The following HOMER3 variants were observed in gnomAD, a reference collection of about 807,000 sequenced individuals.
HOMER3 encodes homer protein homolog 3.
A neutral mutation model predicts 45.5 loss-of-function variants in HOMER3; 34 were observed. The ratio of observed to expected loss-of-function variants is 0.75; its 90% CI spans 0.57 to 1.00. The LOEUF (loss-of-function observed/expected upper bound fraction) is 1.00, where lower values mean the gene tolerates loss of function less well. HOMER3 is among the 50% of genes least tolerant of loss of function. The pLI is 0.00. For synonymous variants in HOMER3, 223 were observed against 208.8 expected (o/e 1.07, Z -0.58); for missense variants, 480 against 497.5 (o/e 0.96, Z 0.33).
intron 6 of HOMER3, among the ~76,000 whole-genome samples, chr19:18,932,473 G>T (rs2057047157): frequency 6.6e-6 from 1 of 152,084 alleles, no homozygotes; most frequent in Admixed American, 6.6e-5. Flanking sequence ...GCCACGCAGG[G>T]CTGGGGATGT....
In HOMER3 at chr19:18,939,130, C is replaced by T. The variant is rs149908794; in HGVS notation, c.-67-81G>A. ...GCAGGTTCCATCTCAGGACCCATCA[C>T]CAGGTGTGCCCGTCATGGAACTTTC... On this transcript the variant is annotated intron_variant, in intron 1 of 9. Coordinates refer to ENST00000392351, the MANE Select transcript of HOMER3 (RefSeq NM_004838.4). 2.1e-5 allele frequency: 15 copies of T among 714,154 alleles called. No individual in the cohort carries two copies. In the African/African-American group the frequency reaches 2.7e-4, roughly 13 times the overall value. The allele number at this position is 714,154 out of a possible 1,614,324, so 44.2% of individuals were successfully genotyped here.
chr19:18,938,406 G>T lies in HOMER3; in HGVS notation c.250C>A (p.Arg84Ser), dbSNP rs772996906. ...SQKFGQWADS[R>S]ANTVYGLGFA... is the part of the protein sequence containing the mutation. ...CCCAGGCCGTAGACTGTGTTGGCGC[G>T]ACTGTCGGCCCACTGCCCGAACTTC... Residue 84 changes from arginine to serine, a missense_variant, in exon 4 of 10, where the codon CGC (arginine) becomes AGC (serine). Arg to Ser is a moderately radical substitution (Grantham distance 110). Coordinates refer to ENST00000392351, the MANE Select transcript of HOMER3 (RefSeq NM_004838.4). The T allele has an allele frequency of 1.2e-6, 2 of 1,614,086 alleles. No homozygotes were observed. The highest frequency in any genetic ancestry group is 1.7e-6 in the Non-Finnish European group (2 of 1,179,966).
At chr19:18,932,156 G>A (rs77505011) in intron 6 of HOMER3, 24 bp from the exon 7 acceptor site, 1 of 1,523,792 alleles carries the variant, frequency 6.6e-7, no homozygotes, top group Non-Finnish European at 8.8e-7. Flanking sequence ...AGGGTCGGCA[G>A]TGGGTGACAC....
rs1451693544 is a variant in HOMER3, at chr19:18,931,902, G to A, written c.690+74C>T. 9 of 1,447,728 alleles carry A rather than the reference G, an allele frequency of 6.2e-6. No individual in the cohort carries two copies. In the Admixed American group the frequency reaches 7.9e-5, roughly 13 times the overall value. The allele number at this position is 1,447,728 out of a possible 1,614,324, so 89.7% of individuals were successfully genotyped here. On this transcript the variant is annotated intron_variant, in intron 7 of 9. Transcript: ENST00000392351. ...GCTAGTCCATGAACCCAGGGCAGATGGGAACTGCCGAGGCGCGGTCTCCAC... is the reference window on the plus strand; with the variant it reads ...GCTAGTCCATGAACCCAGGGCAGATAGGAACTGCCGAGGCGCGGTCTCCAC...
intron 1 of HOMER3, 51 bp from the exon 2 acceptor site, chr19:18,939,100 G>T: frequency 5.7e-6 from 6 of 1,048,088 alleles, no homozygotes; most frequent in Non-Finnish European, 6.7e-6. Context: ...GCTGAGGGAG[G>T]CCAAGCAGGT....
At chr19:18,932,887 C>A in intron 6 of HOMER3, 37 bp downstream of exon 6, 3 of 865,876 alleles carry the variant, frequency 3.5e-6, no homozygotes, top group Non-Finnish European at 4.9e-6. Context: ...CCACCCCTAC[C>A]CCCGCCCCTG....
chr19:18,933,175 C>T, intron 5 of HOMER3, 130 bp from the exon 6 acceptor site: 1 of 1,195,888 alleles, frequency 8.4e-7, no homozygotes, highest in East Asian at 2.9e-5. Flanking sequence ...GCACAGGATC[C>T]AAGTGTGTCC....
chr19:18,938,083 T>C (rs1164278860), intron 4 of HOMER3, among the ~76,000 whole-genome samples: 1 of 151,824 alleles, frequency 6.6e-6, no homozygotes, highest in African/African-American at 2.4e-5. Context: ...TCCCAGCTAC[T>C]CAGGAGGCTG....
chr19:18,938,719 C>T lies in HOMER3; in HGVS notation c.171+9G>A. On this transcript the variant is annotated intron_variant, in intron 3 of 9. Transcript: ENST00000392351. The stretch of plus-strand genomic sequence containing the variant: ...TGGTGCCTCTGCCCCACCCAGACCC[C>T]ACCCTGACCTTGGCGCCTCCGATGC... 1 of 1,581,574 alleles carries T rather than the reference C, an allele frequency of 6.3e-7. No individual in the cohort carries two copies. The highest frequency in any genetic ancestry group is 8.6e-7 in the Non-Finnish European group (1 of 1,162,464).
At chr19:18,932,293 G>GT (rs2057043757) in intron 6 of HOMER3, among the ~76,000 whole-genome samples, 161 bp from the exon 7 acceptor site, 1 of 148,138 alleles carries the variant, frequency 6.8e-6, no homozygotes, top group African/African-American at 2.5e-5. Flanking sequence ...GGACTAGGGG[G>GT]CGGGGCAGGG....
Position 18,939,008 on chromosome 19 carries a change from T to C in HOMER3, c.-26A>G, listed in dbSNP as rs772594020. 5.1e-6 allele frequency: 8 copies of C among 1,557,862 alleles called. No individual in the cohort carries two copies. The East Asian group carries it at 1.4e-4, about 26-fold the overall frequency. On this transcript the variant is annotated 5_prime_UTR_variant, in exon 2 of 10. Coordinates refer to ENST00000392351, the MANE Select transcript of HOMER3 (RefSeq NM_004838.4). Reference sequence around the variant, plus strand: ...TGGTCAGGCTGGGATGGGCAGGCTCTAGGGGGCAGCCAGAGAGGTGGCAGG... The same window carrying C: ...TGGTCAGGCTGGGATGGGCAGGCTCCAGGGGGCAGCCAGAGAGGTGGCAGG...
chr19:18,937,587 G>A (rs1361913537), intron 4 of HOMER3, among the ~76,000 whole-genome samples: 6 of 149,364 alleles, frequency 4.0e-5, no homozygotes, highest in South Asian at 4.3e-4. Flanking sequence ...CAGGAGAATC[G>A]CTTGAACCCG....
At position 18,929,374 on chromosome 19, in the gene HOMER3, C is replaced by T. The variant is rs2145114816; in HGVS notation, c.*69G>A. 1 of 1,540,326 alleles carries T rather than the reference C, an allele frequency of 6.5e-7. No individual in the cohort carries two copies. On this transcript the variant is annotated 3_prime_UTR_variant, in exon 10 of 10. Coordinates refer to ENST00000392351, the MANE Select transcript of HOMER3 (RefSeq NM_004838.4). ...CCAGTCCCTTTCCAGGACGAATGGG[C>T]CCAACTATGCCGCCTGCAGCCTGGC...
In HOMER3 at chr19:18,932,961, T is replaced by C. The variant is rs562250340; in HGVS notation, c.496A>G (p.Thr166Ala). The C allele has an allele frequency of 3.5e-6, 5 of 1,427,722 alleles. No homozygotes were observed. Among genetic ancestry groups the C allele is most frequent in the Non-Finnish European group, 4.6e-6 (5 of 1,086,102 alleles). The allele number at this position is 1,427,722 out of a possible 1,614,324, so 88.4% of individuals were successfully genotyped here. Residue 166 changes from threonine to alanine, a missense_variant, in exon 6 of 10, where the codon ACA becomes GCA. Physicochemically the swap from Thr to Ala is moderately conservative, Grantham distance 58. Coordinates refer to ENST00000392351, the MANE Select transcript of HOMER3 (RefSeq NM_004838.4). ...RSQSADAPGP[T>A]ERERLKKMLS... is the part of the protein sequence containing the mutation. ...ATCTTCTTTAGCCGCTCGCGCTCTG[T>C]GGGGCCGGGGGCATCAGCGCTCTGG...
chr19:18,940,989 C>G (rs1275477721), intron 1 of HOMER3, 62 bp downstream of exon 1: 1 of 152,228 alleles, frequency 6.6e-6, no homozygotes, highest in Non-Finnish European at 1.5e-5. Context: ...CACGCCCTCC[C>G]CTTGGCCCTG....
intron 7 of HOMER3, 149 bp from the exon 8 acceptor site, chr19:18,931,774 T>G: frequency 2.0e-6 from 3 of 1,468,882 alleles, no homozygotes; most frequent in Non-Finnish European, 2.7e-6. Flanking sequence ...TCTGCACAGC[T>G]TGGACTTTAG....
chr19:18,935,524 A>G (rs1400154518), intron 4 of HOMER3, among the ~76,000 whole-genome samples: 4 of 152,110 alleles, frequency 2.6e-5, no homozygotes, highest in African/African-American at 4.8e-5. Context: ...TTCCTTTATA[A>G]CAAAGAGATT....
intron 4 of HOMER3, among the ~76,000 whole-genome samples, chr19:18,936,328 AT>A (rs2057092926): frequency 1.4e-5 from 2 of 147,994 alleles, no homozygotes; most frequent in Non-Finnish European, 3.0e-5. Context: ...AAATAAATAA[AT>A]AAATAAATAA....
In HOMER3 at chr19:18,938,722, C is replaced by A; in HGVS notation, c.171+6G>T. 3 of 1,586,388 alleles carry A rather than the reference C, an allele frequency of 1.9e-6. No homozygotes were observed. The highest frequency in any genetic ancestry group is 2.3e-5 in the East Asian group (1 of 43,900). On this transcript the variant is annotated splice_donor_region_variant and intron_variant, in intron 3 of 9. Coordinates refer to ENST00000392351, the MANE Select transcript of HOMER3 (RefSeq NM_004838.4). ...TGCCTCTGCCCCACCCAGACCCCAC[C>A]CTGACCTTGGCGCCTCCGATGCTGA...
Sources: gnomAD v4.1 joint callset for allele counts (sites outside exome capture counted in the v4.1 genomes callset) on GRCh38, gnomAD v4.1.1 for gene constraint, MANE v1.5 for transcripts, NCBI Gene and HGNC (gene_info 2026-07-23, HGNC 2026-07-21) for gene names.